NCOR2: variants seen among roughly 807,000 people sequenced by gnomAD.
NCOR2 encodes the protein nuclear receptor corepressor 2, also known as CTG repeat protein 26.
Under a neutral mutation model 262.9 loss-of-function variants are expected in NCOR2, and 81 were observed. The ratio of observed to expected loss-of-function variants is 0.31; its 90% CI spans 0.26 to 0.37. The LOEUF (loss-of-function observed/expected upper bound fraction) is 0.37. NCOR2 is among the 10% of genes least tolerant of loss of function. NCOR2 has a pLI of 1.00. For missense variants in NCOR2, 3,385 were observed against 3,621.4 expected (o/e 0.93, Z 1.68); for synonymous variants, 1,659 against 1,559.3 (o/e 1.06, Z -1.51).
Position 124,336,648 on chromosome 12 carries a change from G to A in NCOR2, c.6115+105C>T, listed in dbSNP as rs770709074. 6.1e-5 allele frequency: 92 copies of A among 1,515,602 alleles called. No individual in the cohort carries two copies. In the Middle Eastern group the frequency reaches 7.4e-4, roughly 12 times the overall value. The allele number at this position is 1,515,602 out of a possible 1,614,324, so 93.9% of individuals were successfully genotyped here. A position where few individuals can be genotyped will look rare whatever the true frequency, so the allele number is the denominator to read the frequency against. ...GGGCCGGAAGTCTTACCATCGCGAG[G>A]GGAGCCGTTGGCCAGCGCACCTCCT... On this transcript the variant is annotated intron_variant, in intron 38 of 46. Coordinates refer to ENST00000405201, the Ensembl canonical transcript of NCOR2.
chr12:124,438,698 GAA>G (rs149198269), intron 7 of NCOR2, among the ~76,000 whole-genome samples: 1 of 129,916 alleles, frequency 7.7e-6, no homozygotes, highest in African/African-American at 2.7e-5. Flanking sequence ...CAGAGACCCA[GAA>G]AGAGAGGGAG....
At chr12:124,365,507 C>A (rs887507066) in intron 20 of NCOR2, among the ~76,000 whole-genome samples, 2 of 152,198 alleles carry the variant, frequency 1.3e-5, no homozygotes, top group Non-Finnish European at 2.9e-5. Flanking sequence ...TCTGCCATAG[C>A]AGGACCATGG....
upstream of NCOR2, among the ~76,000 whole-genome samples, chr12:124,536,857 T>C (rs1238678655): frequency 2.0e-5 from 3 of 152,224 alleles, no homozygotes; most frequent in Non-Finnish European, 4.4e-5. Flanking sequence ...AAATGTTCAC[T>C]GAAGCTTTAT....
exon 29 of NCOR2, chr12:124,348,274 T>G: frequency 6.2e-7 from 1 of 1,612,894 alleles, no homozygotes; most frequent in Non-Finnish European, 8.5e-7. Context: ...CTGAGCTGCT[T>G]CTGCCGTCCT....
chr12:124,438,943 G>T (rs1351400363), intron 7 of NCOR2, among the ~76,000 whole-genome samples: 2 of 87,932 alleles, frequency 2.3e-5, no homozygotes, highest in Non-Finnish European at 4.6e-5. Flanking sequence ...AGAGACAGAG[G>T]GAGAGAGAGA....
rs968420809 is a variant in NCOR2, at chr12:124,457,758, A to G, written c.706-596T>C. 1.1e-4 allele frequency among the ~76,000 whole-genome samples: 16 copies of G among 151,942 alleles called. No individual in the cohort carries two copies. Among genetic ancestry groups the G allele is most frequent in the African/African-American group, 3.9e-4 (16 of 41,340 alleles). On this transcript the variant is annotated intron_variant, in intron 5 of 46. Coordinates refer to ENST00000405201, the Ensembl canonical transcript of NCOR2. This position sits in a 1 kb window ranked among gnomAD's most constrained non-coding sequence, Gnocchi z 4.0. The stretch of plus-strand genomic sequence containing the variant: ...TTAGGAAAACAGGAACATGTGGCGC[A>G]GGGCTCGGTGGCCGCTCCATCAATA...
intron 8 of NCOR2, 77 bp downstream of exon 10, chr12:124,437,853 G>A (rs767800213): frequency 3.6e-4 from 492 of 1,353,844 alleles, no homozygotes; most frequent in African/African-American, 5.7e-4. Context: ...ACAGGGCCCC[G>A]GCAGGTGTGG....
chr12:124,374,002 C>T (rs919354383), intron 19 of NCOR2, among the ~76,000 whole-genome samples: 5 of 152,118 alleles, frequency 3.3e-5, no homozygotes, highest in African/African-American at 1.2e-4. Context: ...TGAAAGCACG[C>T]ACCCAAGGAT....
intron 10 of NCOR2, among the ~76,000 whole-genome samples, chr12:124,427,594 C>T (rs937121667): frequency 6.6e-6 from 1 of 152,210 alleles, no homozygotes; most frequent in Non-Finnish European, 1.5e-5. Flanking sequence ...TGCAGGACTC[C>T]CAGCCAGGGG....
intron 30 of NCOR2, 31 bp from the exon 33 acceptor site, chr12:124,346,881 C>T (rs1022085500): frequency 1.3e-6 from 2 of 1,496,006 alleles, no homozygotes; most frequent in Admixed American, 4.4e-5. Context: ...ACCCTCACGC[C>T]CCGCCCCACC....
chr12:124,405,124 A>G (rs557052782), intron 13 of NCOR2, among the ~76,000 whole-genome samples: 1 of 151,274 alleles, frequency 6.6e-6, no homozygotes, highest in African/African-American at 2.4e-5. Flanking sequence ...CTCCCACTCC[A>G]GACTCTACAA....
At chr12:124,499,534 C>T (rs761951619), upstream of NCOR2, among the ~76,000 whole-genome samples, 12 of 152,170 alleles carry the variant, frequency 7.9e-5, no homozygotes, top group South Asian at 4.1e-4. Context: ...CTGGAGGCGC[C>T]GCTGAGCAAG....
At position 124,530,452 on chromosome 12, in the gene NCOR2, T is replaced by A. The variant is rs75587017; in HGVS notation, c.-118+5113A>T. 6.7e-3 allele frequency among the ~76,000 whole-genome samples: 1,025 copies of A among 152,256 alleles called. 7 individuals carry two copies. The highest frequency in any genetic ancestry group is 0.024 in the African/African-American group (978 of 41,524). ...AATGGGTGCATCATTATAGGTTAAT[T>A]ACATCTCAATGAAGATGATCTTAAG... On this transcript the variant is annotated intron_variant, in intron 1 of 46. Transcript: ENST00000404621.
intron 13 of NCOR2, among the ~76,000 whole-genome samples, chr12:124,410,000 G>A (rs1284538094): frequency 2.6e-5 from 4 of 151,474 alleles, no homozygotes; most frequent in Admixed American, 6.6e-5. Flanking sequence ...TCTTGTCCAC[G>A]AGGGAATCAC....
chr12:124,459,887 A>G (rs2046073566), intron 5 of NCOR2, among the ~76,000 whole-genome samples: 1 of 151,952 alleles, frequency 6.6e-6, no homozygotes, highest in Non-Finnish European at 1.5e-5. Flanking sequence ...CTGGCCCCTC[A>G]CTGTCCCCTG....
intron 1 of NCOR2, among the ~76,000 whole-genome samples, chr12:124,520,832 C>T (rs777585763): frequency 6.6e-6 from 1 of 152,198 alleles, no homozygotes; most frequent in Non-Finnish European, 1.5e-5. Flanking sequence ...AATCTGCCGA[C>T]AGGCCGCTTC....
intron 3 of NCOR2, among the ~76,000 whole-genome samples, chr12:124,476,913 A>G (rs977365127): frequency 7.2e-5 from 11 of 151,936 alleles, no homozygotes; most frequent in Non-Finnish European, 1.6e-4. Context: ...AAAAAAAAAA[A>G]AAAAAAAGGA....
chr12:124,348,583 T>A (rs112145208), intron 28 of NCOR2: 3 of 497,218 alleles, frequency 6.0e-6, no homozygotes, highest in African/African-American at 5.9e-5. Flanking sequence ...CCCTCCAGGG[T>A]GCTCTGTCTG....
exon 45 of NCOR2, chr12:124,327,501 G>A: frequency 6.2e-7 from 1 of 1,613,846 alleles, no homozygotes; most frequent in Non-Finnish European, 8.5e-7. Flanking sequence ...AGGGTTAAAA[G>A]CATTGGCGCT....
Sources: allele counts gnomAD v4.1 joint callset (sites outside exome capture counted in the v4.1 genomes callset), GRCh38; gene constraint gnomAD v4.1.1; non-coding constraint Gnocchi (gnomAD v3.1); transcripts MANE v1.5; gene names NCBI Gene and HGNC (gene_info 2026-07-23, HGNC 2026-07-21).